The following SLC9A9 variants were observed in gnomAD, a reference collection of about 807,000 sequenced individuals.
SLC9A9 encodes the protein solute carrier family 9 member A9.
A neutral mutation model predicts 77.8 loss-of-function variants in SLC9A9; 62 were observed. The ratio of observed to expected loss-of-function variants is 0.80; its 90% CI spans 0.65 to 0.98. SLC9A9 has a LOEUF of 0.98. Ranked by LOEUF, SLC9A9 falls within the 50% of genes least tolerant of loss-of-function variation. SLC9A9 has a pLI of 0.00. For missense variants in SLC9A9, 775 were observed against 774.9 expected, an observed-to-expected ratio of 1.00 and a Z score of 0.00; for synonymous variants, 320 against 283.5, an observed-to-expected ratio of 1.13 and a Z score of -1.29.
At chr3:143,846,861 C>A (rs1468990050) in intron 1 of SLC9A9, among the ~76,000 whole-genome samples, 1 of 151,742 alleles carries the variant, frequency 6.6e-6, no homozygotes, top group Non-Finnish European at 1.5e-5. Flanking sequence ...TGTGCTGCAC[C>A]CATTAACTCG....
intron 5 of SLC9A9, among the ~76,000 whole-genome samples, chr3:143,658,221 C>T (rs1189801939): frequency 6.6e-6 from 1 of 152,186 alleles, no homozygotes; most frequent in African/African-American, 2.4e-5. Context: ...TCTTTGGAGT[C>T]TTTCCTAATT....
At chr3:143,512,554 A>C (rs6805451) in intron 9 of SLC9A9, among the ~76,000 whole-genome samples, 63 of 152,334 alleles carry the variant, frequency 4.1e-4, no homozygotes, top group African/African-American at 1.4e-3. Context: ...ACTGTAGTCT[A>C]TTAAGTGTAC....
chr3:143,283,764 G>A (rs760845906), intron 14 of SLC9A9, among the ~76,000 whole-genome samples: 37 of 152,180 alleles, frequency 2.4e-4, no homozygotes, highest in Non-Finnish European at 4.3e-4. Context: ...GAGTGCAAAC[G>A]GAAAGTCCTG....
At chr3:143,709,855 T>C (rs1934092199) in intron 4 of SLC9A9, among the ~76,000 whole-genome samples, 1 of 152,074 alleles carries the variant, frequency 6.6e-6, no homozygotes, top group South Asian at 2.1e-4. Flanking sequence ...AGACCTCCAT[T>C]ATTCCTTTGA....
At chr3:143,547,575 C>A (rs888942392) in intron 9 of SLC9A9, among the ~76,000 whole-genome samples, 1 of 152,244 alleles carries the variant, frequency 6.6e-6, no homozygotes, top group African/African-American at 2.4e-5. Flanking sequence ...TCTCTTCTCA[C>A]TGCTCTGCTA....
At chr3:143,477,347 T>TC (rs1553758985) in intron 11 of SLC9A9, among the ~76,000 whole-genome samples, 5 of 103,042 alleles carry the variant, frequency 4.9e-5, no homozygotes, top group African/African-American at 1.3e-4. Flanking sequence ...TTTTTTTTTT[T>TC]CCCCCTCCCC....
intron 14 of SLC9A9, among the ~76,000 whole-genome samples, chr3:143,309,825 G>A (rs1209219121): frequency 2.6e-5 from 4 of 152,076 alleles, no homozygotes; most frequent in African/African-American, 9.7e-5. Context: ...TTATGTGCCT[G>A]GTGGTTGGAA....
intron 4 of SLC9A9, among the ~76,000 whole-genome samples, chr3:143,781,860 G>A (rs2007892719): frequency 6.6e-6 from 1 of 152,214 alleles, no homozygotes; most frequent in African/African-American, 2.4e-5. Flanking sequence ...GAATGAGTAA[G>A]TAAGGGTGAA....
chr3:143,641,583 C>T lies in SLC9A9; in HGVS notation c.755+10672G>A, dbSNP rs1000569197. On this transcript the variant is annotated intron_variant, in intron 6 of 15. Transcript: ENST00000316549. ...TAATTTTTTGTATTTTTAGTAGAGA[C>T]AGGGTTTCACCATGTTAGCCAGGAT... is the stretch of plus-strand genomic sequence containing the variant. 1.7e-4 allele frequency among the ~76,000 whole-genome samples: 26 copies of T among 151,772 alleles called. No homozygotes were observed. The East Asian group carries it at 1.7e-3, about 10-fold the overall frequency.
At chr3:143,430,768 G>GTGGGCATGGTCACGTGACCCAGT (rs1313936749) in intron 12 of SLC9A9, among the ~76,000 whole-genome samples, 1 of 152,198 alleles carries the variant, frequency 6.6e-6, no homozygotes, top group Non-Finnish European at 1.5e-5. Context: ...CACCTTCCAG[G>GTGGGCATGGTCACGTGACCCAGT]TGGGCATGGT....
intron 14 of SLC9A9, among the ~76,000 whole-genome samples, chr3:143,345,824 G>T (rs781232346): frequency 6.6e-6 from 1 of 152,144 alleles, no homozygotes. Context: ...CAGACTGTTT[G>T]CAAGGGTGAT....
chr3:143,843,219 G>A (rs2009750494), intron 1 of SLC9A9, among the ~76,000 whole-genome samples: 1 of 152,204 alleles, frequency 6.6e-6, no homozygotes, highest in Non-Finnish European at 1.5e-5. Flanking sequence ...CAGTCAGGGA[G>A]GCTGGGCTGT....
chr3:143,328,823 G>A (rs2031681646), intron 14 of SLC9A9, among the ~76,000 whole-genome samples: 1 of 152,174 alleles, frequency 6.6e-6, no homozygotes, highest in African/African-American at 2.4e-5. Context: ...GTTGTATGTT[G>A]GTAACAATGC....
At chr3:143,410,584 T>C (rs2108519282) in intron 12 of SLC9A9, among the ~76,000 whole-genome samples, 1 of 152,388 alleles carries the variant, frequency 6.6e-6, no homozygotes, top group African/African-American at 2.4e-5. Flanking sequence ...CTGCTGCTTC[T>C]GTATCTCAGG....
chr3:143,524,922 A>G (rs1182921702), intron 9 of SLC9A9, among the ~76,000 whole-genome samples: 1 of 152,204 alleles, frequency 6.6e-6, no homozygotes, highest in East Asian at 1.9e-4. Flanking sequence ...ATGCCATAGC[A>G]TGAAGCCCAC....
At chr3:143,450,404 A>G (rs1044004949) in intron 12 of SLC9A9, among the ~76,000 whole-genome samples, 1 of 151,572 alleles carries the variant, frequency 6.6e-6, no homozygotes, top group Non-Finnish European at 1.5e-5. Context: ...AAGTAAAAAA[A>G]TAGAATATCT....
intron 6 of SLC9A9, among the ~76,000 whole-genome samples, chr3:143,644,406 T>C (rs2038670830): frequency 6.6e-6 from 1 of 152,240 alleles, no homozygotes; most frequent in Admixed American, 6.5e-5. Context: ...TGCCAGTGAA[T>C]GTCAGATCTC....
At chr3:143,531,111 C>T (rs760028701) in intron 9 of SLC9A9, among the ~76,000 whole-genome samples, 1 of 152,192 alleles carries the variant, frequency 6.6e-6, no homozygotes, top group Admixed American at 6.5e-5. Context: ...ACTATTCATT[C>T]AACAACAGCT....
intron 9 of SLC9A9, among the ~76,000 whole-genome samples, chr3:143,535,888 C>T (rs1261361157): frequency 6.6e-6 from 1 of 152,128 alleles, no homozygotes; most frequent in Non-Finnish European, 1.5e-5. Context: ...TGAGTTTTCT[C>T]CTAATTCACA....
Sources: allele counts gnomAD v4.1 joint callset (sites outside exome capture counted in the v4.1 genomes callset), GRCh38; gene constraint gnomAD v4.1.1; transcripts MANE v1.5; gene names NCBI Gene and HGNC (gene_info 2026-07-23, HGNC 2026-07-21).